PI4KA: variants seen among roughly 807,000 people sequenced by gnomAD.
PI4KA encodes phosphatidylinositol 4-kinase alpha.
PI4KA carries 122 observed loss-of-function variants against 271.4 expected under a neutral mutation model. The observed-to-expected ratio is 0.45, with a 90% CI of 0.39 to 0.52. The LOEUF is 0.52. Among genes scored for constraint, PI4KA ranks in the 20% least tolerant of loss-of-function variants. PI4KA has a pLI of 0.00. For missense variants in PI4KA, 1,969 were observed against 2,769.1 expected, an observed-to-expected ratio of 0.71 and a Z score of 6.48; for synonymous variants, 1,041 against 1,078.8, an observed-to-expected ratio of 0.96 and a Z score of 0.69.
At chr22:20,822,122 G>A (rs992560124) in intron 4 of PI4KA, among the ~76,000 whole-genome samples, 1 of 151,972 alleles carries the variant, frequency 6.6e-6, no homozygotes, top group South Asian at 2.1e-4. Context: ...ATAGCTCACT[G>A]TAGCCTCAAA....
intron 19 of PI4KA, among the ~76,000 whole-genome samples, chr22:20,766,812 T>A (rs1049119086): frequency 6.6e-5 from 10 of 152,056 alleles, no homozygotes; most frequent in Non-Finnish European, 1.5e-5. Context: ...TATGAGCACC[T>A]GGTATGGGCC....
chr22:20,715,387 T>C (rs1415664080), intron 45 of PI4KA, among the ~76,000 whole-genome samples: 1 of 151,896 alleles, frequency 6.6e-6, no homozygotes, highest in African/African-American at 2.4e-5. Flanking sequence ...CCCATTTGAA[T>C]ACTACTCTCT....
chr22:20,713,748 C>T lies in PI4KA; in HGVS notation c.5462-358G>A, dbSNP rs367419. On this transcript the variant is annotated intron_variant, in intron 47 of 54. Coordinates refer to ENST00000255882, the MANE Select transcript of PI4KA (RefSeq NM_058004.4). ...GGGTCCTGGGAGGGCTCGGGGCCAG[C>T]GTGCAGACATGGCCATGGGAGGCAG... is the stretch of plus-strand genomic sequence containing the variant. Among the ~76,000 whole-genome samples, 376 of 152,146 alleles carry T rather than the reference C, an allele frequency of 2.5e-3. 1 individual carries two copies. Among genetic ancestry groups the T allele is most frequent in the African/African-American group, 8.9e-3 (369 of 41,546 alleles).
chr22:20,753,629 A>G (rs1458262559), intron 23 of PI4KA, among the ~76,000 whole-genome samples: 1 of 152,150 alleles, frequency 6.6e-6, no homozygotes, highest in African/African-American at 2.4e-5. Flanking sequence ...TGTCCATGAT[A>G]AGACTAGGGT....
In PI4KA at chr22:20,725,573, G is replaced by A. The variant is rs372562823; in HGVS notation, c.4995+915C>T. The A allele has an allele frequency of 1.1e-4, 48 of 451,814 alleles. 2 individuals are homozygous for A. The East Asian group carries it at 1.1e-3, about 11-fold the overall frequency. 28.0% of individuals were successfully genotyped at this position (451,814 alleles called of 1,614,324 possible). On this transcript the variant is annotated intron_variant, in intron 42 of 54. Coordinates refer to ENST00000255882, the MANE Select transcript of PI4KA (RefSeq NM_058004.4). Reference sequence around the variant, plus strand: ...CAGACACACACAAAAGGATGACCCTGTAAGGACTCAGGGAGAAGATGGCTA... The same window carrying A: ...CAGACACACACAAAAGGATGACCCTATAAGGACTCAGGGAGAAGATGGCTA...
intron 42 of PI4KA, among the ~76,000 whole-genome samples, chr22:20,723,549 G>T (rs1926997570): frequency 6.6e-6 from 1 of 151,138 alleles, no homozygotes; most frequent in Non-Finnish European, 1.5e-5. Flanking sequence ...TACAAAAATA[G>T]GCTGGGTGTG....
At chr22:20,840,339 G>A (rs1238440363) in intron 1 of PI4KA, among the ~76,000 whole-genome samples, 3 of 152,206 alleles carry the variant, frequency 2.0e-5, no homozygotes, top group African/African-American at 7.2e-5. Context: ...AAGAAGCAAG[G>A]AGGCCCAGGA....
intron 1 of PI4KA, among the ~76,000 whole-genome samples, chr22:20,845,364 G>A (rs567465631): frequency 6.6e-6 from 1 of 152,208 alleles, no homozygotes; most frequent in East Asian, 1.9e-4. Flanking sequence ...TACAATAATA[G>A]CATTATAAAA....
chr22:20,746,060 AAT>A (rs1568981743), intron 29 of PI4KA, among the ~76,000 whole-genome samples: 16 of 52,060 alleles, frequency 3.1e-4, no homozygotes, highest in East Asian at 7.2e-4. Flanking sequence ...AAAAAAAAAG[AAT>A]TTTTTTTTTT....
In PI4KA at chr22:20,742,277, A is replaced by T; in HGVS notation, c.3692T>A (p.Leu1231Gln). Residue 1231 changes from leucine to glutamine, a missense_variant, in exon 32 of 55, where the codon CTG becomes CAG. Leu to Gln is a moderately radical substitution (Grantham distance 113). This residue lies in a region of PI4KA where 203 missense variants were observed against 256.8 expected (regional missense o/e 0.79). Coordinates refer to ENST00000255882, the MANE Select transcript of PI4KA (RefSeq NM_058004.4). The stretch of plus-strand genomic sequence containing the variant: ...AGCCAGCAGCCACTCCCAGCAGGCC[A>T]GGGCCGTCTCCATGCCATGCTCATT... ...MFNEHGMETA[L>Q]ACWEWLLAGK... 6.2e-7 allele frequency: 1 copy of T among 1,614,196 alleles called. No homozygotes were observed. Among genetic ancestry groups the T allele is most frequent in the African/African-American group, 1.3e-5 (1 of 75,054 alleles).
chr22:20,753,147 T>C lies in PI4KA; in HGVS notation c.2825A>G (p.Lys942Arg), dbSNP rs1568990479. ...CATGTTCAGGAAGGCATCGAATACT[T>C]TGTCCGCGACTGCAATCACACACTG... Reference protein sequence around the residue: ...MMQCVIAVADKVFDAFLNMMA... With the variant: ...MMQCVIAVADRVFDAFLNMMA... The change falls in exon 24 of 55, where the codon AAA (lysine) becomes AGA (arginine). Residue 942 changes from lysine (K) to arginine (R), a missense_variant. Coordinates refer to ENST00000255882, the MANE Select transcript of PI4KA (RefSeq NM_058004.4). The C allele has an allele frequency of 6.2e-7, 1 of 1,613,542 alleles. No homozygotes were observed. Among genetic ancestry groups the C allele is most frequent in the Non-Finnish European group, 8.5e-7 (1 of 1,180,030 alleles).
chr22:20,793,249 A>G lies in PI4KA; in HGVS notation c.2278-6T>C, dbSNP rs763615400. ...TTCCCTGCACTGCTAGAAGCCTAGA[A>G]AAGAACAGAATTATTGTCATTAACG... is the stretch of plus-strand genomic sequence containing the variant. On this transcript the variant is annotated splice_region_variant and splice_polypyrimidine_tract_variant and intron_variant, in intron 18 of 54. Transcript: ENST00000255882. 2 of 1,539,318 alleles carry G rather than the reference A, an allele frequency of 1.3e-6. No homozygotes were observed. Among genetic ancestry groups the G allele is most frequent in the Admixed American group, 1.7e-5 (1 of 59,880 alleles).
intron 42 of PI4KA, among the ~76,000 whole-genome samples, chr22:20,723,297 A>G (rs926038692): frequency 6.6e-6 from 1 of 151,902 alleles, no homozygotes; most frequent in Middle Eastern, 3.2e-3. Flanking sequence ...TGGGATTACA[A>G]GCGTGAGCCA....
intron 23 of PI4KA, among the ~76,000 whole-genome samples, chr22:20,755,358 T>C (rs1194174995): frequency 1.3e-5 from 2 of 152,182 alleles, no homozygotes; most frequent in African/African-American, 4.8e-5. Flanking sequence ...TGTAACAAGG[T>C]GCCCCAGGCT....
Position 20,717,904 on chromosome 22 carries a change from G to T in PI4KA, c.5247-126C>A, listed in dbSNP as rs1209777763. 3 of 675,298 alleles carry T rather than the reference G, an allele frequency of 4.4e-6. No individual in the cohort carries two copies. The African/African-American group carries it at 5.4e-5, about 12-fold the overall frequency. The allele number at this position is 675,298 out of a possible 1,614,324, so 41.8% of individuals were successfully genotyped here. A position where few individuals can be genotyped will look rare whatever the true frequency, so the allele number is the denominator to read the frequency against. On this transcript the variant is annotated intron_variant, in intron 44 of 54. Transcript: ENST00000255882. ...CTCTTCCCGGCTCTAGCTGCTCCTA[G>T]CGCAGCCAGGCACCACTGGCAGCGA...
intron 1 of PI4KA, among the ~76,000 whole-genome samples, chr22:20,849,897 T>C (rs1227079732): frequency 1.3e-5 from 2 of 151,944 alleles, no homozygotes; most frequent in Non-Finnish European, 2.9e-5. Flanking sequence ...AAAAACCACA[T>C]CTTATAGAAT....
chr22:20,771,046 A>G (rs1481251193), intron 19 of PI4KA, among the ~76,000 whole-genome samples: 1 of 152,088 alleles, frequency 6.6e-6, no homozygotes, highest in Non-Finnish European at 1.5e-5. Flanking sequence ...TCCAAGTTGG[A>G]AAAAATATCT....
At chr22:20,792,613 GA>G (rs1050893419) in intron 19 of PI4KA, among the ~76,000 whole-genome samples, 1 of 152,176 alleles carries the variant, frequency 6.6e-6, no homozygotes, top group Non-Finnish European at 1.5e-5. Flanking sequence ...GAGTGACGAA[GA>G]AAGGGAAAAA....
rs138708289 is a variant in PI4KA at position 20,748,001 on chromosome 22, G to A, written c.3244-299C>T. Reference sequence around the variant, plus strand: ...TCCTCCCGCCTCAGCATCCCAAAATGTCAGGATTACAGGCATGAGCCACTG... The same window carrying A: ...TCCTCCCGCCTCAGCATCCCAAAATATCAGGATTACAGGCATGAGCCACTG... On this transcript the variant is annotated intron_variant, in intron 28 of 54. Coordinates refer to ENST00000255882, the MANE Select transcript of PI4KA (RefSeq NM_058004.4). 5.7e-3 allele frequency among the ~76,000 whole-genome samples: 868 copies of A among 152,300 alleles called. 7 individuals are homozygous for A. The highest frequency in any genetic ancestry group is 0.019 in the African/African-American group (794 of 41,548).
Sources: allele counts gnomAD v4.1 joint callset (sites outside exome capture counted in the v4.1 genomes callset), GRCh38; gene constraint gnomAD v4.1.1; regional missense constraint gnomAD v4.1.1; transcripts MANE v1.5; gene names NCBI Gene and HGNC (gene_info 2026-07-23, HGNC 2026-07-21).